The following SMAD3 variants were observed in gnomAD, a reference collection of about 807,000 sequenced individuals.
SMAD3 encodes the protein SMAD family member 3, also known as MAD homolog 3.
In SMAD3, 12 loss-of-function variants were observed where a neutral mutation model predicts 51.8. The ratio of observed to expected loss-of-function variants is 0.23; its 90% CI spans 0.15 to 0.38. SMAD3 has a LOEUF of 0.38. SMAD3 is among the 10% of genes least tolerant of loss of function. The pLI is 1.00. For missense variants in SMAD3, 294 were observed against 565.6 expected, an observed-to-expected ratio of 0.52 and a Z score of 4.87; for synonymous variants, 238 against 227.7, an observed-to-expected ratio of 1.05 and a Z score of -0.41.
At chr15:67,188,178 G>T (rs1306517769) in intron 8 of SMAD3, among the ~76,000 whole-genome samples, 1 of 127,850 alleles carries the variant, frequency 7.8e-6, no homozygotes, top group Non-Finnish European at 1.6e-5. Flanking sequence ...TTGAGATGGA[G>T]TCTCACTCTG....
rs372320823 is a variant in SMAD3 at position 67,114,387 on chromosome 15, G to A, written c.206+48027G>A. ...GCACAGATGGCCACTCTGCAAAGAG[G>A]CCCACCCAGATAGCTCCCTCACCGG... On this transcript the variant is annotated intron_variant, in intron 1 of 8. Transcript: ENST00000327367. 1.9e-3 allele frequency among the ~76,000 whole-genome samples: 293 copies of A among 152,246 alleles called. 1 individual carries two copies. Among genetic ancestry groups the A allele is most frequent in the African/African-American group, 6.9e-3 (285 of 41,540 alleles).
At chr15:67,147,858 G>A (rs866282101) in intron 1 of SMAD3, among the ~76,000 whole-genome samples, 2 of 152,094 alleles carry the variant, frequency 1.3e-5, no homozygotes, top group East Asian at 1.9e-4. Context: ...TGACAGCTAC[G>A]ACTGCCACTG....
intron 1 of SMAD3, among the ~76,000 whole-genome samples, chr15:67,082,446 T>C (rs1240353068): frequency 6.6e-6 from 1 of 152,188 alleles, no homozygotes; most frequent in African/African-American, 2.4e-5. Context: ...GCTGAGAGCC[T>C]CCTCCCTCAG....
intron 1 of SMAD3, among the ~76,000 whole-genome samples, chr15:67,135,007 A>T (rs2140257013): frequency 6.6e-6 from 1 of 152,182 alleles, no homozygotes; most frequent in Admixed American, 6.5e-5. Flanking sequence ...AGATGTACCC[A>T]GGGGGTCCTG....
At position 67,131,969 on chromosome 15, in the gene SMAD3, C is replaced by G. The variant is rs74020109; in HGVS notation, c.207-32926C>G. Among the ~76,000 whole-genome samples, 1,517 of 152,236 alleles carry G rather than the reference C, an allele frequency of 1.0e-2. 35 individuals carry two copies. Among genetic ancestry groups the G allele is most frequent in the African/African-American group, 0.035 (1,444 of 41,516 alleles). On this transcript the variant is annotated intron_variant, in intron 1 of 8. Coordinates refer to ENST00000327367, the MANE Select transcript of SMAD3 (RefSeq NM_005902.4). The stretch of plus-strand genomic sequence containing the variant: ...TCTCTGTCTGTTCCTCCAATCTCCC[C>G]CTTCTGTCTTATCATGCAGGGCAAG...
At chr15:67,104,682 G>T (rs1356600911) in intron 1 of SMAD3, among the ~76,000 whole-genome samples, 1 of 152,258 alleles carries the variant, frequency 6.6e-6, no homozygotes. Flanking sequence ...GTTTACACTG[G>T]ATCACTATAC....
At chr15:67,188,824 T>C (rs1013092954) in intron 8 of SMAD3, among the ~76,000 whole-genome samples, 2 of 152,276 alleles carry the variant, frequency 1.3e-5, no homozygotes, top group Non-Finnish European at 2.9e-5. Flanking sequence ...GCATGACTTA[T>C]GGAAAGTCAG....
chr15:67,141,907 G>C (rs538102783), intron 1 of SMAD3, among the ~76,000 whole-genome samples: 1 of 152,130 alleles, frequency 6.6e-6, no homozygotes, highest in Non-Finnish European at 1.5e-5. Flanking sequence ...ATGAGGTGGG[G>C]TGGTATGGGG....
At position 67,165,284 on chromosome 15, in the gene SMAD3, A is replaced by G. The variant is rs763712900; in HGVS notation, c.432A>G (p.Thr144=). The G allele has an allele frequency of 3.1e-6, 5 of 1,614,066 alleles. No homozygotes were observed. The highest frequency in any genetic ancestry group is 1.1e-5 in the South Asian group (1 of 91,092). The stretch of plus-strand genomic sequence containing the variant: ...CTCCTGTGTTGGTGCCACGCCACAC[A>G]GAGATCCCGGCCGAGTTCCCCCCAC... ...VLPPVLVPRH[T]EIPAEFPPLD... Residue 144 remains threonine (T), a synonymous_variant, in exon 3 of 9, where the codon ACA becomes ACG. Coordinates refer to ENST00000327367, the MANE Select transcript of SMAD3 (RefSeq NM_005902.4).
chr15:67,121,213 C>T (rs959010858), intron 1 of SMAD3, among the ~76,000 whole-genome samples: 8 of 152,240 alleles, frequency 5.3e-5, no homozygotes, highest in East Asian at 1.9e-4. Flanking sequence ...AGTCACCCTC[C>T]GGCGTGGAGC....
Position 67,184,752 on chromosome 15 carries a change from C to T in SMAD3, c.897C>T (p.Ile299=), listed in dbSNP as rs773943578. 2.0e-5 allele frequency: 32 copies of T among 1,613,948 alleles called. No individual in the cohort carries two copies. The highest frequency in any genetic ancestry group is 1.7e-4 in the Middle Eastern group (1 of 5,960). Residue 299 remains isoleucine (I), a synonymous_variant, in exon 7 of 9, where the codon ATC becomes ATT. Coordinates refer to ENST00000327367, the MANE Select transcript of SMAD3 (RefSeq NM_005902.4). ...GAAGAGGCGTGCGGCTCTACTACAT[C>T]GGAGGGGAGGTCTTCGCAGAGTGCC... ...HIGRGVRLYY[I]GGEVFAECLS...
At chr15:67,075,734 G>A (rs1431848744) in intron 1 of SMAD3, among the ~76,000 whole-genome samples, 5 of 152,136 alleles carry the variant, frequency 3.3e-5, no homozygotes, top group Non-Finnish European at 7.3e-5. Context: ...GACCAATATG[G>A]TGAAACCTCG....
chr15:67,186,330 C>G (rs565926915), intron 7 of SMAD3, among the ~76,000 whole-genome samples: 97 of 152,336 alleles, frequency 6.4e-4, no homozygotes, highest in African/African-American at 2.2e-3. Flanking sequence ...GGCCTTCTGC[C>G]TCTTCCATTC....
At chr15:67,131,659 C>G (rs1349664404) in intron 1 of SMAD3, among the ~76,000 whole-genome samples, 2 of 152,128 alleles carry the variant, frequency 1.3e-5, no homozygotes, top group Non-Finnish European at 2.9e-5. Flanking sequence ...CAGTCCCAGC[C>G]TCTCTCTCGA....
At chr15:67,161,948 G>GAGTCCC (rs906254989) in intron 1 of SMAD3, among the ~76,000 whole-genome samples, 3 of 152,082 alleles carry the variant, frequency 2.0e-5, no homozygotes, top group Admixed American at 2.0e-4. Context: ...CCTCAGGGAC[G>GAGTCCC]AGTCCCAGGC....
rs117345612 is a variant in SMAD3, at chr15:67,098,999, G to A, written c.206+32639G>A. On this transcript the variant is annotated intron_variant, in intron 1 of 8. Coordinates refer to ENST00000327367, the MANE Select transcript of SMAD3 (RefSeq NM_005902.4). Reference sequence around the variant, plus strand: ...TTTTGCCCCAAACTGTGGACAGAGCGTATGTCCTGAGCGAGGATCAACTCT... The same window carrying A: ...TTTTGCCCCAAACTGTGGACAGAGCATATGTCCTGAGCGAGGATCAACTCT... The A allele has an allele frequency of 6.6e-4, 464 of 702,424 alleles. 2 individuals carry two copies. Among genetic ancestry groups the A allele is most frequent in the Non-Finnish European group, 8.7e-4 (335 of 384,836 alleles). The allele number at this position is 702,424 out of a possible 1,614,324, so 43.5% of individuals were successfully genotyped here.
chr15:67,110,731 T>G (rs982186044), intron 1 of SMAD3, among the ~76,000 whole-genome samples: 28 of 152,346 alleles, frequency 1.8e-4, no homozygotes, highest in South Asian at 2.1e-4. Context: ...GAAGCCTAGT[T>G]AAATCATTAC....
chr15:67,182,887 C>T (rs140133490), intron 6 of SMAD3, among the ~76,000 whole-genome samples: 124 of 150,026 alleles, frequency 8.3e-4, no homozygotes, highest in African/African-American at 2.8e-3. Context: ...CAGGCCCAGT[C>T]GCAAACTCTT....
At chr15:67,077,101 G>A (rs970879788) in intron 1 of SMAD3, among the ~76,000 whole-genome samples, 1 of 152,154 alleles carries the variant, frequency 6.6e-6, no homozygotes, top group Non-Finnish European at 1.5e-5. Flanking sequence ...TAAAGTATTG[G>A]TCAAGGCAGG....
Sources: gnomAD v4.1 joint callset for allele counts (sites outside exome capture counted in the v4.1 genomes callset) on GRCh38, gnomAD v4.1.1 for gene constraint, MANE v1.5 for transcripts, NCBI Gene and HGNC (gene_info 2026-07-23, HGNC 2026-07-21) for gene names.